Variants in JARID2 observed in about 807,000 individuals in gnomAD.
JARID2 encodes the protein protein Jumonji.
Under a neutral mutation model 125.6 loss-of-function variants are expected in JARID2, and 21 were observed. The ratio of observed to expected loss-of-function variants is 0.17; its 90% CI spans 0.12 to 0.24. The LOEUF (loss-of-function observed/expected upper bound fraction) is 0.24. Among genes scored for constraint, JARID2 ranks in the 10% least tolerant of loss-of-function variants. The pLI, the probability that JARID2 is intolerant of heterozygous loss-of-function variation, is 1.00. For missense variants in JARID2, 1,303 were observed against 1,639.6 expected (o/e 0.79, Z 3.55); for synonymous variants, 736 against 661.6 (o/e 1.11, Z -1.73).
At chr6:15,295,018 C>T (rs1371357141) in intron 1 of JARID2, among the ~76,000 whole-genome samples, 2 of 151,686 alleles carry the variant, frequency 1.3e-5, no homozygotes, top group East Asian at 1.9e-4. Flanking sequence ...AACCTGAGAG[C>T]GATTAGAAAC....
intron 1 of JARID2, among the ~76,000 whole-genome samples, chr6:15,288,018 C>T (rs961910422): frequency 6.6e-6 from 1 of 152,096 alleles, no homozygotes; most frequent in African/African-American, 2.4e-5. Context: ...GCAGATGGAA[C>T]AAAGCTTGTG....
At chr6:15,373,666 T>G (rs1214593333) in intron 1 of JARID2, among the ~76,000 whole-genome samples, 2 of 152,218 alleles carry the variant, frequency 1.3e-5, no homozygotes, top group African/African-American at 4.8e-5. Flanking sequence ...CTGTATCCTT[T>G]GAGCTCCCAA....
chr6:15,496,525 C>A lies in JARID2; in HGVS notation c.1300C>A (p.Arg434=), dbSNP rs779068407. The A allele has an allele frequency of 5.0e-6, 8 of 1,603,364 alleles. No individual in the cohort carries two copies. The highest frequency in any genetic ancestry group is 1.3e-5 in the African/African-American group (1 of 74,500). The change falls in exon 7 of 18, where the codon CGG becomes AGG. Residue 434 remains arginine (R), a synonymous_variant. Coordinates refer to ENST00000341776, the MANE Select transcript of JARID2 (RefSeq NM_004973.4). ...GCAGCTGCGGGAGGGCCTGCAGCTG[C>A]GGGAGGGGCTGCGGAACTCCAAGAG... is the stretch of plus-strand genomic sequence containing the variant. ...GRQLREGLQL[R]EGLRNSKRRL... is the part of the protein sequence containing the mutation.
At chr6:15,374,403 C>A in intron 2 of JARID2, 151 bp downstream of exon 2, 1 of 747,068 alleles carries the variant, frequency 1.3e-6, no homozygotes, top group Admixed American at 2.7e-5. Context: ...CTGCAGACAT[C>A]CTGTTGGGTT....
intron 3 of JARID2, among the ~76,000 whole-genome samples, chr6:15,445,495 AAAAG>A (rs1217647289): frequency 6.6e-6 from 1 of 152,242 alleles, no homozygotes; most frequent in Admixed American, 6.5e-5. Flanking sequence ...GCTTAGCAGA[AAAAG>A]AAAGTCACCT....
intron 1 of JARID2, among the ~76,000 whole-genome samples, chr6:15,251,588 C>T (rs148632278): frequency 6.6e-6 from 1 of 152,314 alleles, no homozygotes; most frequent in African/African-American, 2.4e-5. Flanking sequence ...TTGGCTTTCA[C>T]CCAGAAGTCT....
At chr6:15,319,595 G>C (rs1203051405) in intron 1 of JARID2, among the ~76,000 whole-genome samples, 1 of 152,002 alleles carries the variant, frequency 6.6e-6, no homozygotes, top group Non-Finnish European at 1.5e-5. Flanking sequence ...TAGTAGAGAC[G>C]GGGTTTCACC....
intron 1 of JARID2, among the ~76,000 whole-genome samples, chr6:15,292,843 A>AT (rs1561775046): frequency 6.6e-6 from 1 of 151,884 alleles, no homozygotes. Flanking sequence ...ATTTTATTTT[A>AT]TTTTTTGTAG....
Position 15,458,007 on chromosome 6 carries a change from A to G in JARID2, c.493+5832A>G, listed in dbSNP as rs560367622. On this transcript the variant is annotated intron_variant, in intron 4 of 17. Coordinates refer to ENST00000341776, the MANE Select transcript of JARID2 (RefSeq NM_004973.4). Reference sequence around the variant, plus strand: ...GGCCCGAGGTATTTGCCCGCAGTGTATTTATCTTTAAATAGCTGCTTTGAA... The same window carrying G: ...GGCCCGAGGTATTTGCCCGCAGTGTGTTTATCTTTAAATAGCTGCTTTGAA... 9.9e-5 allele frequency among the ~76,000 whole-genome samples: 15 copies of G among 152,260 alleles called. No homozygotes were observed. The South Asian group carries it at 1.7e-3, about 17-fold the overall frequency.
chr6:15,337,581 C>T (rs1460197725), intron 1 of JARID2, among the ~76,000 whole-genome samples: 1 of 152,178 alleles, frequency 6.6e-6, no homozygotes, highest in African/African-American at 2.4e-5. Flanking sequence ...AACCCCTGCC[C>T]GAGGAATTCA....
At chr6:15,302,261 C>A (rs535610769) in intron 1 of JARID2, among the ~76,000 whole-genome samples, 9 of 152,022 alleles carry the variant, frequency 5.9e-5, no homozygotes, top group African/African-American at 2.2e-4. Flanking sequence ...ACTAAAAATA[C>A]AAAAATTAGT....
At chr6:15,487,789 C>G (rs970150704) in intron 6 of JARID2, among the ~76,000 whole-genome samples, 1 of 152,230 alleles carries the variant, frequency 6.6e-6, no homozygotes, top group Non-Finnish European at 1.5e-5. Flanking sequence ...AGTGAACTCA[C>G]TTTTTTACTT....
In JARID2 at chr6:15,517,273, G is replaced by A; in HGVS notation, c.3558+5G>A. 6.2e-7 allele frequency: 1 copy of A among 1,605,162 alleles called. No individual in the cohort carries two copies. Among genetic ancestry groups the A allele is most frequent in the Non-Finnish European group, 8.5e-7 (1 of 1,171,882 alleles). ...TTGATGTACCGCTACGATGAGGTCA[G>A]TCCCTGCCCGCGGGGTAGGGCAGGG... On this transcript the variant is annotated splice_donor_5th_base_variant and intron_variant, in intron 17 of 17. Transcript: ENST00000341776.
intron 1 of JARID2, among the ~76,000 whole-genome samples, chr6:15,367,437 G>GT (rs959566388): frequency 1.5e-4 from 23 of 151,904 alleles, no homozygotes; most frequent in South Asian, 1.2e-3. Flanking sequence ...ACTAATAATA[G>GT]TTTTTTTTCA....
chr6:15,493,392 A>G (rs1473104727), intron 6 of JARID2, among the ~76,000 whole-genome samples: 1 of 152,182 alleles, frequency 6.6e-6, no homozygotes, highest in East Asian at 1.9e-4. Context: ...AACCTCAGCA[A>G]GTAGTGGTGG....
At chr6:15,300,644 GA>G (rs1761573855) in intron 1 of JARID2, among the ~76,000 whole-genome samples, 1 of 150,068 alleles carries the variant, frequency 6.7e-6, no homozygotes, top group Admixed American at 6.7e-5. Flanking sequence ...CCACTTACTG[GA>G]CAGTAGAACC....
At chr6:15,313,119 G>A (rs1266221316) in intron 1 of JARID2, among the ~76,000 whole-genome samples, 4 of 152,148 alleles carry the variant, frequency 2.6e-5, no homozygotes, top group Admixed American at 6.5e-5. Context: ...ATGGATTGCC[G>A]TCGGAGCTTT....
chr6:15,333,448 A>G (rs1285343336), intron 1 of JARID2, among the ~76,000 whole-genome samples: 1 of 152,190 alleles, frequency 6.6e-6, no homozygotes, highest in Non-Finnish European at 1.5e-5. Context: ...AAATGGAATC[A>G]TATGCTATGT....
At chr6:15,324,437 T>G (rs983595186) in intron 1 of JARID2, 2 of 152,174 alleles carry the variant, frequency 1.3e-5, no homozygotes, top group Admixed American at 6.5e-5. Context: ...CTGTGTAATG[T>G]TCCAGTTTTA....
Sources: gnomAD v4.1 joint callset for allele counts (sites outside exome capture counted in the v4.1 genomes callset) on GRCh38, gnomAD v4.1.1 for gene constraint, MANE v1.5 for transcripts, NCBI Gene and HGNC (gene_info 2026-07-23, HGNC 2026-07-21) for gene names.